The following CA5A variants were observed in gnomAD, a reference collection of about 807,000 sequenced individuals.
CA5A encodes carbonic anhydrase 5A, mitochondrial.
In CA5A, 28 loss-of-function variants were observed where a neutral mutation model predicts 37.1. The ratio of observed to expected loss-of-function variants is 0.75; its 90% CI spans 0.56 to 1.03. The LOEUF (loss-of-function observed/expected upper bound fraction) is 1.03, where lower values mean the gene tolerates loss of function less well. Ranked by LOEUF, CA5A falls within the 50% of genes least tolerant of loss-of-function variation. The probability of loss-of-function intolerance (pLI) is 0.00; values close to 1 mark genes in which losing one functional copy is unlikely to be tolerated. For missense variants in CA5A, 444 were observed against 399.9 expected (o/e 1.11, Z -0.94); for synonymous variants, 171 against 158.4 (o/e 1.08, Z -0.60).
intron 2 of CA5A, chr16:87,923,875 T>G (rs1567534083): frequency 1.0e-6 from 1 of 984,582 alleles, no homozygotes; most frequent in East Asian, 1.1e-4. Context: ...TACTAATACA[T>G]TCACACAAAT....
At chr16:87,923,042 C>T (rs890954535) in intron 2 of CA5A, among the ~76,000 whole-genome samples, 6 of 152,222 alleles carry the variant, frequency 3.9e-5, no homozygotes, top group Admixed American at 1.3e-4. Context: ...AATCTGCAGT[C>T]GGAACGGAAG....
At chr16:87,882,733 TC>T (rs1416791949) in intron 4 of CA5A, 1 of 152,282 alleles carries the variant, frequency 6.6e-6, no homozygotes, top group East Asian at 1.9e-4. Context: ...TTCAGCAGAC[TC>T]CTCTTGATCG....
intron 5 of CA5A, chr16:87,893,418 C>G: frequency 4.0e-6 from 2 of 496,250 alleles, no homozygotes; most frequent in South Asian, 3.0e-5. Context: ...TGAGCCACCA[C>G]GCCCGGCTTG....
At chr16:87,913,366 G>T (rs1043377106) in intron 2 of CA5A, among the ~76,000 whole-genome samples, 3 of 147,526 alleles carry the variant, frequency 2.0e-5, no homozygotes, top group Non-Finnish European at 4.4e-5. Context: ...GCAATGGTGT[G>T]ATCATGCCTC....
In CA5A at chr16:87,916,709, G is replaced by A. The variant is rs147444960; in HGVS notation, c.340+10039C>T. ...GAAGGCAAGCTCCATGGGAGCAGGG[G>A]TTTCACTGTCTTGATTGATCCTTCC... On this transcript the variant is annotated intron_variant, in intron 2 of 6. Coordinates refer to ENST00000649794, the MANE Select transcript of CA5A (RefSeq NM_001739.2). 2.0e-5 allele frequency among the ~76,000 whole-genome samples: 3 copies of A among 152,302 alleles called. No individual in the cohort carries two copies. In the East Asian group the frequency reaches 5.8e-4, roughly 29 times the overall value.
chr16:87,898,301 G>A (rs2055831019), intron 5 of CA5A, among the ~76,000 whole-genome samples: 1 of 152,238 alleles, frequency 6.6e-6, no homozygotes, highest in Non-Finnish European at 1.5e-5. Flanking sequence ...GGTGAGAACT[G>A]CTGAGTCCGC....
intron 2 of CA5A, 44 bp from the exon 3 acceptor site, chr16:87,904,948 T>C: frequency 7.8e-7 from 1 of 1,280,154 alleles, no homozygotes; most frequent in Middle Eastern, 1.9e-4. Flanking sequence ...TTTGTCTGTT[T>C]GTTGAGCTGT....
At chr16:87,912,172 C>T (rs1428940377) in intron 2 of CA5A, among the ~76,000 whole-genome samples, 1 of 152,002 alleles carries the variant, frequency 6.6e-6, no homozygotes, top group Non-Finnish European at 1.5e-5. Flanking sequence ...CGTGGTGGCA[C>T]GCGACTGTAG....
downstream of CA5A, chr16:87,887,133 C>A (rs2055654863): frequency 6.6e-6 from 1 of 152,202 alleles, no homozygotes; most frequent in African/African-American, 2.4e-5. Flanking sequence ...GAACTTCTGA[C>A]CTCAGGTGGT....
intron 5 of CA5A, among the ~76,000 whole-genome samples, chr16:87,900,523 C>A (rs1420026076): frequency 6.6e-6 from 1 of 152,256 alleles, no homozygotes; most frequent in African/African-American, 2.4e-5. Flanking sequence ...ACATGTGAGG[C>A]TTGCGTTGAC....
At chr16:87,910,150 T>C in intron 2 of CA5A, among the ~76,000 whole-genome samples, 1 of 152,116 alleles carries the variant, frequency 6.6e-6, no homozygotes, top group East Asian at 1.9e-4. Context: ...GTGAAACAGC[T>C]GATTAAGGGG....
At chr16:87,907,364 G>C (rs1244599595) in intron 2 of CA5A, among the ~76,000 whole-genome samples, 1 of 152,140 alleles carries the variant, frequency 6.6e-6, no homozygotes, top group African/African-American at 2.4e-5. Context: ...GTTTGCAGCC[G>C]ACCAGCCCCA....
chr16:87,907,708 C>T (rs1353576264), intron 2 of CA5A, among the ~76,000 whole-genome samples: 1 of 152,042 alleles, frequency 6.6e-6, no homozygotes, highest in African/African-American at 2.4e-5. Flanking sequence ...GCAGATCACC[C>T]AAGGTCAGGA....
At chr16:87,928,803 C>T (rs372639474) in intron 1 of CA5A, among the ~76,000 whole-genome samples, 5 of 118,004 alleles carry the variant, frequency 4.2e-5, no homozygotes, top group East Asian at 5.3e-4. Flanking sequence ...GAGTCTCACT[C>T]GGTCGCCCAG....
At chr16:87,908,560 T>C (rs1364410847) in intron 2 of CA5A, among the ~76,000 whole-genome samples, 3 of 152,172 alleles carry the variant, frequency 2.0e-5, no homozygotes, top group Non-Finnish European at 4.4e-5. Context: ...AGCCGATGCC[T>C]GCCGGATCCC....
chr16:87,923,607 G>A (rs758131469), intron 2 of CA5A: 2 of 985,322 alleles, frequency 2.0e-6, no homozygotes, highest in African/African-American at 3.5e-5. Flanking sequence ...CATTAGCCGG[G>A]TGCCTGATGC....
intron 2 of CA5A, among the ~76,000 whole-genome samples, chr16:87,926,422 T>A (rs1206869032): frequency 2.6e-5 from 4 of 152,134 alleles, no homozygotes; most frequent in African/African-American, 9.7e-5. Flanking sequence ...CGCAAAGTGT[T>A]CGCATTTCAA....
In CA5A at chr16:87,901,912, C is replaced by A; in HGVS notation, c.618G>T (p.Lys206Asn). Reference sequence around the variant, plus strand: ...TGCTGATTTCAAATATGCAGCTTACCTTATGTTTTATTTCCGGCAAGATGT... The same window carrying A: ...TGCTGATTTCAAATATGCAGCTTACATTATGTTTTATTTCCGGCAAGATGT... The part of the protein sequence containing the change: ...LVDILPEIKH[K>N]DARAAMRPFD... Residue 206 changes from lysine (K) to asparagine (N), a missense_variant and splice_region_variant, in exon 5 of 7, where the codon AAG becomes AAT. Coordinates refer to ENST00000649794, the MANE Select transcript of CA5A (RefSeq NM_001739.2). The A allele has an allele frequency of 6.2e-7, 1 of 1,612,650 alleles. No homozygotes were observed. The highest frequency in any genetic ancestry group is 1.1e-5 in the South Asian group (1 of 91,058).
chr16:87,931,165 G>A (rs569779822), intron 1 of CA5A, among the ~76,000 whole-genome samples: 12 of 149,880 alleles, frequency 8.0e-5, no homozygotes, highest in Non-Finnish European at 1.8e-4. Context: ...GGGCTGGAGT[G>A]CAGTGGCGTA....
Sources: gnomAD v4.1 joint callset for allele counts (sites outside exome capture counted in the v4.1 genomes callset) on GRCh38, gnomAD v4.1.1 for gene constraint, MANE v1.5 for transcripts, NCBI Gene and HGNC (gene_info 2026-07-23, HGNC 2026-07-21) for gene names.